RASEF: variants seen among roughly 807,000 people sequenced by gnomAD.
RASEF encodes the protein RAS and EF-hand domain containing.
RASEF carries 68 observed loss-of-function variants against 90.1 expected under a neutral mutation model. That is an observed-to-expected ratio of 0.75 (90% CI 0.62 to 0.92). The LOEUF (loss-of-function observed/expected upper bound fraction) is 0.92, where lower values mean the gene tolerates loss of function less well. Ranked by LOEUF, RASEF falls within the 40% of genes least tolerant of loss-of-function variation. The probability of loss-of-function intolerance (pLI) is 0.00; values close to 1 mark genes in which losing one functional copy is unlikely to be tolerated. For synonymous variants in RASEF, 331 were observed against 345.2 expected, an observed-to-expected ratio of 0.96 and a Z score of 0.46; for missense variants, 949 against 937.2, an observed-to-expected ratio of 1.01 and a Z score of -0.16.
At chr9:83,006,829 C>T (rs1211679864) in intron 7 of RASEF, among the ~76,000 whole-genome samples, 1 of 152,160 alleles carries the variant, frequency 6.6e-6, no homozygotes, top group Non-Finnish European at 1.5e-5. Context: ...CGTGGTGGCT[C>T]ATGCCTGTCA....
At chr9:83,146,255 T>G in the RASEF span, among the ~76,000 whole-genome samples, 3,455 of 151,950 alleles carry the variant, frequency 0.023, 124 homozygotes, top group African/African-American at 0.078. Context: ...TATCATCACT[T>G]GAAAAAGGGA....
In RASEF at chr9:83,015,799, G is replaced by A; in HGVS notation, c.765+6C>T. On this transcript the variant is annotated splice_donor_region_variant and intron_variant, in intron 4 of 16. Transcript: ENST00000376447. ...GTTCCTACAAGTCCAGCTGCCACAT[G>A]CCTACCTTTCTTAGCTTTTTAATGG... 2 of 1,605,696 alleles carry A rather than the reference G, an allele frequency of 1.2e-6. No homozygotes were observed. The highest frequency in any genetic ancestry group is 1.7e-6 in the Non-Finnish European group (2 of 1,172,290).
At chr9:83,218,123 A>T in the RASEF span, among the ~76,000 whole-genome samples, 1 of 152,198 alleles carries the variant, frequency 6.6e-6, no homozygotes, top group Non-Finnish European at 1.5e-5. Context: ...GAGTGAATGA[A>T]TTTGGCTAGA....
At chr9:83,069,654 T>C in the RASEF span, among the ~76,000 whole-genome samples, 881 of 152,264 alleles carry the variant, frequency 5.8e-3, 16 homozygotes, top group African/African-American at 0.02. Context: ...TTAAGGAACA[T>C]ACGTTTTATT....
chr9:83,024,604 A>C (rs570259617), intron 2 of RASEF, among the ~76,000 whole-genome samples: 1 of 152,180 alleles, frequency 6.6e-6, no homozygotes. Flanking sequence ...TCCTCCTGGA[A>C]GGCCCCTAGA....
the RASEF span, among the ~76,000 whole-genome samples, chr9:83,178,888 T>A: frequency 6.6e-6 from 1 of 152,160 alleles, no homozygotes; most frequent in Non-Finnish European, 1.5e-5. Context: ...CAGGCTAGCA[T>A]AACCTTCCAT....
At chr9:83,038,091 T>G (rs1251876576) in intron 1 of RASEF, among the ~76,000 whole-genome samples, 1 of 152,080 alleles carries the variant, frequency 6.6e-6, no homozygotes, top group African/African-American at 2.4e-5. Flanking sequence ...GTCCTATAAT[T>G]TTGATGTATC....
the RASEF span, among the ~76,000 whole-genome samples, chr9:83,090,611 C>T: frequency 1.3e-5 from 2 of 152,022 alleles, no homozygotes; most frequent in East Asian, 3.9e-4. Flanking sequence ...GCCATGTTGG[C>T]CAGGCTGGTC....
At chr9:83,029,122 TA>T (rs1295098483) in intron 1 of RASEF, among the ~76,000 whole-genome samples, 4 of 152,166 alleles carry the variant, frequency 2.6e-5, no homozygotes, top group African/African-American at 9.7e-5. Flanking sequence ...AGCAAACAAA[TA>T]CCATATAGGG....
At chr9:83,029,623 C>T (rs115628024) in intron 1 of RASEF, among the ~76,000 whole-genome samples, 1 of 148,694 alleles carries the variant, frequency 6.7e-6, no homozygotes, top group African/African-American at 2.5e-5. Flanking sequence ...TGAGACCATG[C>T]TGGTCTCAAA....
In RASEF at chr9:83,062,629, C is replaced by A; in HGVS notation, c.239G>T (p.Arg80Leu). The change falls in exon 1 of 17, where the codon CGC becomes CTC. Residue 80 changes from arginine (R) to leucine (L), a missense_variant. Around this residue, in one of 3 missense-constraint regions of RASEF, gnomAD observed 656 missense variants for 592.2 expected, o/e 1.11. Transcript: ENST00000376447. ...GGGATCCAGAGGACCCCAGTCCCGG[C>A]GCCGCCCCCCGCGGAGGGACCCGAG... is the stretch of plus-strand genomic sequence containing the variant. ...GFLGSLRGGR[R>L]RDWGPLDPAP... The A allele has an allele frequency of 1.9e-6, 3 of 1,551,642 alleles. No individual in the cohort carries two copies. Among genetic ancestry groups the A allele is most frequent in the Admixed American group, 1.9e-5 (1 of 52,628 alleles).
chr9:82,989,228 G>GTA (rs1828768807), intron 16 of RASEF, among the ~76,000 whole-genome samples: 3 of 151,896 alleles, frequency 2.0e-5, no homozygotes, highest in South Asian at 2.1e-4. Flanking sequence ...GTGCATGTGT[G>GTA]CGTGTGTGTG....
chr9:82,999,608 C>CTTT, intron 12 of RASEF, among the ~76,000 whole-genome samples: 1 of 144,252 alleles, frequency 6.9e-6, no homozygotes, highest in South Asian at 2.2e-4. Context: ...AGATATCTCT[C>CTTT]TTTTTTTTTT....
chr9:83,039,832 T>G (rs1285789705), intron 1 of RASEF, among the ~76,000 whole-genome samples: 1 of 152,164 alleles, frequency 6.6e-6, no homozygotes, highest in Non-Finnish European at 1.5e-5. Context: ...CTGTCTGTCT[T>G]GCTGGTATCT....
chr9:83,209,493 A>T, the RASEF span, among the ~76,000 whole-genome samples: 8 of 152,234 alleles, frequency 5.3e-5, no homozygotes, highest in African/African-American at 1.4e-4. Flanking sequence ...CTTCCAGATG[A>T]GCAAATTTGG....
At chr9:83,008,891 CATAT>C (rs56810511) in intron 6 of RASEF, among the ~76,000 whole-genome samples, 443 of 19,520 alleles carry the variant, frequency 0.023, 6 homozygotes, top group African/African-American at 0.047. Flanking sequence ...AAGTTCTCAT[CATAT>C]ATATATATAT....
At chr9:83,036,212 T>C (rs1829739021) in intron 1 of RASEF, among the ~76,000 whole-genome samples, 1 of 152,156 alleles carries the variant, frequency 6.6e-6, no homozygotes, top group African/African-American at 2.4e-5. Flanking sequence ...ATAAAACAAA[T>C]TAAGCTTGGA....
the RASEF span, among the ~76,000 whole-genome samples, chr9:83,189,702 C>T: frequency 8.7e-4 from 132 of 152,280 alleles, no homozygotes; most frequent in Admixed American, 1.4e-3. Context: ...TGTGATAAAC[C>T]TGTGCTCTTG....
At chr9:83,164,337 G>T in the RASEF span, among the ~76,000 whole-genome samples, 1 of 58,424 alleles carries the variant, frequency 1.7e-5, no homozygotes. Context: ...ATATATATTT[G>T]TATATGTGTG....
Sources: gnomAD v4.1 joint callset for allele counts (sites outside exome capture counted in the v4.1 genomes callset) on GRCh38, gnomAD v4.1.1 for gene constraint, gnomAD v4.1.1 regional missense constraint, MANE v1.5 for transcripts, NCBI Gene and HGNC (gene_info 2026-07-23, HGNC 2026-07-21) for gene names.